The following NKAIN3 variants were observed in gnomAD, a reference collection of about 807,000 sequenced individuals.
The protein encoded by NKAIN3 is sodium/potassium transporting ATPase interacting 3, also known as sodium/potassium-transporting ATPase subunit beta-1-interacting protein 3.
A neutral mutation model predicts 30.2 loss-of-function variants in NKAIN3; 25 were observed. That is an observed-to-expected ratio of 0.83 (90% CI 0.60 to 1.16). The LOEUF (loss-of-function observed/expected upper bound fraction) is 1.16. NKAIN3 is among the 50% of genes most tolerant of loss of function. NKAIN3 has a pLI of 0.00. For missense variants in NKAIN3, 225 were observed against 254.1 expected, an observed-to-expected ratio of 0.89 and a Z score of 0.78; for synonymous variants, 91 against 89.6, an observed-to-expected ratio of 1.02 and a Z score of -0.09.
chr8:62,933,423 A>G (rs931053785), intron 5 of NKAIN3, among the ~76,000 whole-genome samples: 14 of 152,192 alleles, frequency 9.2e-5, no homozygotes, highest in Admixed American at 5.2e-4. Context: ...TTAAATAAGA[A>G]TGATTAAAAA....
chr8:62,433,289 C>A (rs1165562592), intron 1 of NKAIN3, among the ~76,000 whole-genome samples: 2 of 151,980 alleles, frequency 1.3e-5, no homozygotes, highest in African/African-American at 2.4e-5. Context: ...TATTATCAAT[C>A]TTGTGGTGGT....
intron 1 of NKAIN3, among the ~76,000 whole-genome samples, chr8:62,377,599 G>A (rs553413891): frequency 1.2e-4 from 19 of 152,186 alleles, no homozygotes; most frequent in Middle Eastern, 3.4e-3. Flanking sequence ...TTATAATCCC[G>A]TAATTCCCAC....
intron 4 of NKAIN3, among the ~76,000 whole-genome samples, chr8:62,799,678 A>G (rs1328710930): frequency 1.3e-5 from 2 of 152,230 alleles, no homozygotes; most frequent in African/African-American, 4.8e-5. Context: ...CATTTGATCC[A>G]GCAATCCCAC....
At chr8:62,313,548 T>C (rs1459243370) in intron 1 of NKAIN3, among the ~76,000 whole-genome samples, 1 of 152,142 alleles carries the variant, frequency 6.6e-6, no homozygotes, top group Non-Finnish European at 1.5e-5. Flanking sequence ...AGGGCATAAA[T>C]GTCAGCAATT....
At chr8:62,770,182 AC>A (rs1226237089) in intron 4 of NKAIN3, among the ~76,000 whole-genome samples, 3 of 152,208 alleles carry the variant, frequency 2.0e-5, no homozygotes, top group Non-Finnish European at 4.4e-5. Context: ...AGCTCTCCAA[AC>A]ATCCCTGGCT....
intron 4 of NKAIN3, among the ~76,000 whole-genome samples, chr8:62,804,256 C>A (rs1308700518): frequency 8.5e-5 from 13 of 152,106 alleles, no homozygotes; most frequent in Non-Finnish European, 1.6e-4. Flanking sequence ...CTCCCTAACT[C>A]ATTTTATGAG....
intron 1 of NKAIN3, among the ~76,000 whole-genome samples, chr8:62,547,537 G>C (rs1252794078): frequency 6.6e-6 from 1 of 152,142 alleles, no homozygotes; most frequent in Non-Finnish European, 1.5e-5. Context: ...GAGTGAGGAG[G>C]TTAGAAATCT....
intron 1 of NKAIN3, among the ~76,000 whole-genome samples, chr8:62,504,895 C>G (rs1361573499): frequency 6.6e-6 from 1 of 152,168 alleles, no homozygotes; most frequent in Admixed American, 6.6e-5. Flanking sequence ...AGGTTAATGA[C>G]TTTCTTTCAG....
At position 62,417,274 on chromosome 8, in the gene NKAIN3, C is replaced by G. The variant is rs191558811; in HGVS notation, c.55-162265C>G. Among the ~76,000 whole-genome samples the G allele has an allele frequency of 1.4e-4, 21 of 152,264 alleles. No individual in the cohort carries two copies. The East Asian group carries it at 4.0e-3, about 29-fold the overall frequency. ...TTACTTAGCATAATGACTTCCCTTT[C>G]CATCCATGTTGTTGCAGATAACAGG... On this transcript the variant is annotated intron_variant, in intron 1 of 6. Coordinates refer to ENST00000623646, the MANE Select transcript of NKAIN3 (RefSeq NM_001304533.3).
intron 1 of NKAIN3, among the ~76,000 whole-genome samples, chr8:62,431,180 AT>A (rs1335024967): frequency 2.0e-5 from 3 of 151,874 alleles, no homozygotes; most frequent in African/African-American, 7.2e-5. Context: ...TGAATCAAAG[AT>A]TTATATCTTG....
At chr8:62,924,778 G>C (rs1373383141) in intron 5 of NKAIN3, among the ~76,000 whole-genome samples, 1 of 152,184 alleles carries the variant, frequency 6.6e-6, no homozygotes, top group African/African-American at 2.4e-5. Context: ...GTTGTGAAAA[G>C]TTTAAGATCA....
intron 3 of NKAIN3, among the ~76,000 whole-genome samples, chr8:62,601,573 G>A (rs1004255583): frequency 3.9e-5 from 6 of 151,920 alleles, no homozygotes; most frequent in African/African-American, 1.2e-4. Context: ...ATATTAGTAG[G>A]TATGTATCCT....
At chr8:62,297,687 G>T (rs1813882188) in intron 1 of NKAIN3, among the ~76,000 whole-genome samples, 2 of 152,046 alleles carry the variant, frequency 1.3e-5, no homozygotes, top group Non-Finnish European at 2.9e-5. Context: ...GTGCTGGAGA[G>T]GATGTGGAGA....
intron 4 of NKAIN3, among the ~76,000 whole-genome samples, chr8:62,877,965 G>A (rs769770217): frequency 2.0e-5 from 3 of 150,152 alleles, no homozygotes; most frequent in Non-Finnish European, 4.4e-5. Context: ...ACTTGAACCC[G>A]AGAGGCAGAG....
chr8:62,471,710 T>C (rs1806354701), intron 1 of NKAIN3, among the ~76,000 whole-genome samples: 2 of 152,090 alleles, frequency 1.3e-5, no homozygotes, highest in African/African-American at 2.4e-5. Flanking sequence ...ATCCCAGAAC[T>C]TGGGGAGGCC....
chr8:62,858,483 A>G (rs1048116287), intron 4 of NKAIN3, among the ~76,000 whole-genome samples: 7 of 152,134 alleles, frequency 4.6e-5, no homozygotes, highest in East Asian at 1.9e-4. Context: ...AGGTAGTGAC[A>G]TGCCCCACCC....
In NKAIN3 at chr8:62,535,528, A is replaced by G. The variant is rs140462429; in HGVS notation, c.55-44011A>G. ...CACCGGGCTTCAAGTTGGGATTCCC[A>G]TGATCCTTTCTTTAGGCTCATCAAT... On this transcript the variant is annotated intron_variant, in intron 1 of 6. Coordinates refer to ENST00000623646, the MANE Select transcript of NKAIN3 (RefSeq NM_001304533.3). Among the ~76,000 whole-genome samples, 16 of 152,284 alleles carry G rather than the reference A, an allele frequency of 1.1e-4. No individual in the cohort carries two copies. The East Asian group carries it at 3.1e-3, about 29-fold the overall frequency.
intron 3 of NKAIN3, among the ~76,000 whole-genome samples, chr8:62,634,734 T>C (rs1376149481): frequency 6.6e-6 from 1 of 152,078 alleles, no homozygotes; most frequent in Admixed American, 6.6e-5. Context: ...TGGTGAAAAT[T>C]CTCCAAAATT....
intron 4 of NKAIN3, among the ~76,000 whole-genome samples, chr8:62,898,442 T>G (rs1365488601): frequency 1.3e-5 from 2 of 152,066 alleles, no homozygotes. Context: ...AGACCATTAT[T>G]CAAAGTAATT....
Sources: allele counts gnomAD v4.1 joint callset (sites outside exome capture counted in the v4.1 genomes callset), GRCh38; gene constraint gnomAD v4.1.1; transcripts MANE v1.5; gene names NCBI Gene and HGNC (gene_info 2026-07-23, HGNC 2026-07-21).